Variants in MID1 observed in about 807,000 individuals in gnomAD.
MID1 encodes the protein E3 ubiquitin-protein ligase Midline-1.
A neutral mutation model predicts 40.4 loss-of-function variants in MID1; 7 were observed. The ratio of observed to expected loss-of-function variants is 0.17; its 90% CI spans 0.10 to 0.33. MID1 has a LOEUF of 0.33. Among genes scored for constraint, MID1 ranks in the 10% least tolerant of loss-of-function variants. The probability of loss-of-function intolerance (pLI) is 1.00; values close to 1 mark genes in which losing one functional copy is unlikely to be tolerated. For synonymous variants in MID1, 229 were observed against 221.2 expected (o/e 1.04, Z -0.31); for missense variants, 367 against 558.5 (o/e 0.66, Z 3.46).
chrX:10,803,360 T>TC (rs1171900928), intron 1 of MID1, among the ~76,000 whole-genome samples: 1 of 104,034 alleles, frequency 9.6e-6, no homozygotes, highest in Non-Finnish European at 2.0e-5. Context: ...TTCTTTTTTT[T>TC]TTTTTTTTTT....
intron 2 of MID1, among the ~76,000 whole-genome samples, chrX:10,530,137 T>G (rs749100363): frequency 2.7e-5 from 3 of 111,970 alleles, no homozygotes; most frequent in African/African-American, 9.7e-5. Flanking sequence ...TATAACATTA[T>G]CAAACAAATT....
intron 1 of MID1, among the ~76,000 whole-genome samples, chrX:10,777,270 C>T (rs1030296876): frequency 3.7e-3 from 8 of 2,185 alleles, no homozygotes; most frequent in African/African-American, 0.017. Flanking sequence ...ACTATTGTGG[C>T]TCACTGCAAG....
intron 9 of MID1, among the ~76,000 whole-genome samples, chrX:10,451,763 T>C (rs75460243): frequency 0.11 from 12,642 of 111,253 alleles, 676 homozygotes; most frequent in South Asian, 0.35. Flanking sequence ...CTGCCATCCA[T>C]GTAAGACGGG....
intron 1 of MID1, among the ~76,000 whole-genome samples, chrX:10,661,609 G>A (rs865794846): frequency 1.2e-4 from 13 of 110,474 alleles, no homozygotes; most frequent in African/African-American, 3.6e-4. Context: ...CACCGCACCC[G>A]GCATTGTGTC....
At position 10,482,403 on chromosome X, in the gene MID1, G is replaced by A. The variant is rs910051530; in HGVS notation, c.1013+77C>T. The A allele has an allele frequency of 4.3e-5, 45 of 1,051,387 alleles. 1 individual carries two copies. The highest frequency in any genetic ancestry group is 3.0e-5 in the East Asian group (1 of 33,044). The allele number at this position is 1,051,387 out of a possible 1,213,427, so 86.6% of individuals were successfully genotyped here. A position where few individuals can be genotyped will look rare whatever the true frequency, so the allele number is the denominator to read the frequency against. On this transcript the variant is annotated intron_variant, in intron 5 of 9. Transcript: ENST00000317552. The stretch of plus-strand genomic sequence containing the variant: ...TTGAAAATGAAAATAAAAGCAAGGC[G>A]AGGGCAAGACCAACCAATCACAGCG...
intron 4 of MID1, among the ~76,000 whole-genome samples, chrX:10,487,634 C>CT (rs1223153398): frequency 9.0e-6 from 1 of 111,545 alleles, no homozygotes; most frequent in East Asian, 2.8e-4. Context: ...TTGTAATTAA[C>CT]TGTGCCCATC....
At chrX:10,710,719 G>T (rs1405795207) in intron 1 of MID1, among the ~76,000 whole-genome samples, 1 of 111,047 alleles carries the variant, frequency 9.0e-6, no homozygotes, top group Non-Finnish European at 1.9e-5. Flanking sequence ...TCAAACACTG[G>T]ACACAAAGTC....
At chrX:10,649,062 A>C in intron 1 of MID1, among the ~76,000 whole-genome samples, 1 of 112,124 alleles carries the variant, frequency 8.9e-6, no homozygotes, top group Non-Finnish European at 1.9e-5. Context: ...ATAAATTAAT[A>C]ATTAGGAAAG....
chrX:10,561,066 C>T (rs1352178608), intron 2 of MID1, among the ~76,000 whole-genome samples: 2 of 106,662 alleles, frequency 1.9e-5, no homozygotes, highest in Non-Finnish European at 3.8e-5. Flanking sequence ...TAACACCACA[C>T]ATCTACAACC....
At chrX:10,805,319 TG>T (rs2044037235) in intron 1 of MID1, among the ~76,000 whole-genome samples, 3 of 99,668 alleles carry the variant, frequency 3.0e-5, no homozygotes. Context: ...GAATATGCGG[TG>T]TTTGGTTTTT....
intron 1 of MID1, among the ~76,000 whole-genome samples, chrX:10,572,011 G>A (rs1201759567): frequency 9.1e-6 from 1 of 109,475 alleles, no homozygotes; most frequent in Non-Finnish European, 1.9e-5. Context: ...AGGAGGTAAA[G>A]TATGAAGTGG....
At chrX:10,613,696 AATATAT>A (rs1177605401) in intron 1 of MID1, among the ~76,000 whole-genome samples, 411 of 16,805 alleles carry the variant, frequency 0.024, 8 homozygotes, top group African/African-American at 0.033. Flanking sequence ...AACTGAAAGG[AATATAT>A]ATATATATAT....
intron 1 of MID1, among the ~76,000 whole-genome samples, chrX:10,570,197 T>C (rs2147474231): frequency 9.0e-6 from 1 of 111,605 alleles, no homozygotes; most frequent in Admixed American, 9.5e-5. Flanking sequence ...GGCCTCGTTC[T>C]GACTCCTCAA....
chrX:10,654,643 T>A (rs1405105649), intron 1 of MID1, among the ~76,000 whole-genome samples: 2 of 112,256 alleles, frequency 1.8e-5, no homozygotes, highest in Non-Finnish European at 3.8e-5. Flanking sequence ...CATCTCCTAC[T>A]GTGTAGCCTG....
intron 1 of MID1, among the ~76,000 whole-genome samples, chrX:10,730,564 C>CTTT (rs1188069622): frequency 1.5e-3 from 117 of 78,062 alleles, no homozygotes; most frequent in Non-Finnish European, 1.7e-3. Flanking sequence ...TCAGATACAT[C>CTTT]TTTTTTTTTT....
chrX:10,806,231 T>G (rs1027002652), intron 1 of MID1, among the ~76,000 whole-genome samples: 1 of 111,805 alleles, frequency 8.9e-6, no homozygotes, highest in Non-Finnish European at 1.9e-5. Context: ...CTTTAATCCA[T>G]CTTGAATTAA....
At chrX:10,589,955 G>A (rs1186044592) in intron 1 of MID1, 2 of 109,412 alleles carry the variant, frequency 1.8e-5, no homozygotes, top group Non-Finnish European at 1.9e-5. Context: ...CTCAAGAGCC[G>A]AGCTCCCCGA....
At chrX:10,542,366 T>C (rs1327776286) in intron 2 of MID1, among the ~76,000 whole-genome samples, 2 of 111,589 alleles carry the variant, frequency 1.8e-5, no homozygotes, top group Non-Finnish European at 3.8e-5. Context: ...CTGGACTAAA[T>C]GCTCTGAACC....
At chrX:10,693,084 T>C (rs2043140810) in intron 1 of MID1, among the ~76,000 whole-genome samples, 1 of 111,895 alleles carries the variant, frequency 8.9e-6, no homozygotes, top group South Asian at 3.7e-4. Context: ...CTTAAATTTC[T>C]ATGATGCCCC....
Sources: allele counts gnomAD v4.1 joint callset (sites outside exome capture counted in the v4.1 genomes callset), GRCh38; gene constraint gnomAD v4.1.1; transcripts MANE v1.5; gene names NCBI Gene and HGNC (gene_info 2026-07-23, HGNC 2026-07-21).